FLNA: variants seen among roughly 807,000 people sequenced by gnomAD.
The protein encoded by FLNA is filamin A.
A neutral mutation model predicts 157.6 loss-of-function variants in FLNA; 7 were observed. That is an observed-to-expected ratio of 0.04 (90% CI 0.03 to 0.08). The LOEUF (loss-of-function observed/expected upper bound fraction) is 0.08, where lower values mean the gene tolerates loss of function less well. Among genes scored for constraint, FLNA ranks in the 10% least tolerant of loss-of-function variants. The pLI, the probability that FLNA is intolerant of heterozygous loss-of-function variation, is 1.00. For synonymous variants in FLNA, 1,103 were observed against 1,060.8 expected, an observed-to-expected ratio of 1.04 and a Z score of -0.77; for missense variants, 1,750 against 2,398.4, an observed-to-expected ratio of 0.73 and a Z score of 5.65.
At position 154,361,046 on chromosome X, in the gene FLNA, C is replaced by CAAAAAAAAAAAAAAAAAAAAA. The variant is rs59672916; in HGVS notation, c.3207+241_3207+261dup. On this transcript the variant is annotated intron_variant, in intron 21 of 47. Coordinates refer to ENST00000369850, the MANE Select transcript of FLNA (RefSeq NM_001110556.2). ...TGGGCGACAGAGTGAGACTCTTTCT[C>CAAAAAAAAAAAAAAAAAAAAA]AAAAAAAAAAAAAAAAAAAAAAAAA... is the stretch of plus-strand genomic sequence containing the variant. 7.5e-4 allele frequency among the ~76,000 whole-genome samples: 15 copies of CAAAAAAAAAAAAAAAAAAAAA among 19,985 alleles called. 3 individuals are homozygous for CAAAAAAAAAAAAAAAAAAAAA. The highest frequency in any genetic ancestry group is 9.0e-4 in the Non-Finnish European group (11 of 12,252). The allele number at this position is 19,985 out of a possible 115,157, so 17.4% of individuals were successfully genotyped here.
intron 30 of FLNA, among the ~76,000 whole-genome samples, chrX:154,356,241 G>C (rs1277469966): frequency 2.7e-5 from 3 of 111,975 alleles, no homozygotes; most frequent in Non-Finnish European, 5.7e-5. Flanking sequence ...TCCTAATTTG[G>C]CTCTCACTGA....
rs201773416 is a variant in FLNA, at chrX:154,352,699, C to T, written c.6380-24G>A. 2.3e-5 allele frequency: 28 copies of T among 1,210,953 alleles called. No individual in the cohort carries two copies. The East Asian group carries it at 7.4e-4, about 32-fold the overall frequency. On this transcript the variant is annotated intron_variant, in intron 39 of 47. Transcript: ENST00000369850. ...GCCTGCAGGAAGAAAGCACGGCCCA[C>T]GCCCCTCCAGTCACATACTGCCTGT...
Position 154,359,641 on chromosome X carries a change from G to A in FLNA, c.3985C>T (p.His1329Tyr), listed in dbSNP as rs782746289. ...VEYTPYEEGL[H>Y]SVDVTYDGSP... ...CCGTCATAGGTCACGTCCACGGAGTGCAGTCCTGGAGGAGTGCAGGCCAGG... is the reference window on the plus strand; with the variant it reads ...CCGTCATAGGTCACGTCCACGGAGTACAGTCCTGGAGGAGTGCAGGCCAGG... The change falls in exon 24 of 48, where the codon CAC becomes TAC. Residue 1329 changes from histidine to tyrosine, a missense_variant. This residue lies in a region of FLNA where 970 missense variants were observed against 1,302.6 expected (regional missense o/e 0.74). Transcript: ENST00000369850. 24 of 1,209,659 alleles carry A rather than the reference G, an allele frequency of 2.0e-5. No individual in the cohort carries two copies. Among genetic ancestry groups the A allele is most frequent in the African/African-American group, 7.0e-5 (4 of 57,365 alleles).
chrX:154,369,364 A>G (rs1344632369), intron 2 of FLNA, among the ~76,000 whole-genome samples: 1 of 112,293 alleles, frequency 8.9e-6, no homozygotes, highest in African/African-American at 3.2e-5. Context: ...AGACCCCTCA[A>G]CGACCCCCAC....
At chrX:154,360,657 C>A in intron 21 of FLNA, 70 bp from the exon 22 acceptor site, 1 of 988,228 alleles carries the variant, frequency 1.0e-6, no homozygotes. Flanking sequence ...CTTGACTTTC[C>A]ACCTGCCTCC....
Position 154,354,982 on chromosome X carries a change from G to A in FLNA, c.5060C>T (p.Thr1687Ile). Reference protein sequence around the residue: ...KAAGKGKVTCTVCTPDGSEVD... With the variant: ...KAAGKGKVTCIVCTPDGSEVD... ...CTCTGAGCCATCAGGCGTGCACACG[G>A]TGCACGTCACTTTGCCTTTGCCTGC... The change falls in exon 31 of 48, where the codon ACC (threonine) becomes ATC (isoleucine). Residue 1687 changes from threonine to isoleucine, a missense_variant. Physicochemically the swap from Thr to Ile is moderately conservative, Grantham distance 89 (BLOSUM62 -1). This residue lies in a region of FLNA where 970 missense variants were observed against 1,302.6 expected (regional missense o/e 0.74). Transcript: ENST00000369850. 8.2e-7 allele frequency: 1 copy of A among 1,212,178 alleles called. No individual in the cohort carries two copies. The highest frequency in any genetic ancestry group is 1.1e-6 in the Non-Finnish European group (1 of 895,569).
In FLNA at chrX:154,362,072, G is replaced by C; in HGVS notation, c.2733C>G (p.Phe911Leu). 8.3e-7 allele frequency: 1 copy of C among 1,211,047 alleles called. No individual in the cohort carries two copies. The highest frequency in any genetic ancestry group is 3.0e-5 in the East Asian group (1 of 33,848). ...CTGCATCCCCCTTGGTGAGTCCTGA[G>C]AACTGGACGTCCAGCTTGCCTTTGC... ...AAGKGKLDVQ[F>L]SGLTKGDAVR... Residue 911 changes from phenylalanine (F) to leucine (L), a missense_variant, in exon 19 of 48, where the codon TTC (phenylalanine) becomes TTG (leucine). Around this residue, in one of 5 missense-constraint regions of FLNA, gnomAD observed 648 missense variants for 805.8 expected, o/e 0.80. Transcript: ENST00000369850.
rs1256248451 is a variant in FLNA at position 154,358,472 on chromosome X, A to G, written c.4571T>C (p.Leu1524Pro). ...CCGGGGTACCTCTTCATCTCCATAC[A>G]GTACTGAGATGCTGTAGGGCCCTTC... ...SREGPYSISV[L>P]YGDEEVPRSP... The change falls in exon 27 of 48, where the codon CTG becomes CCG. Residue 1524 changes from leucine (L) to proline (P), a missense_variant. Physicochemically the swap from Leu to Pro is moderately conservative, Grantham distance 98 (BLOSUM62 -3). Transcript: ENST00000369850. 4 of 1,208,530 alleles carry G rather than the reference A, an allele frequency of 3.3e-6. No homozygotes were observed. The highest frequency in any genetic ancestry group is 3.5e-5 in the African/African-American group (2 of 56,911).
At chrX:154,355,168 GCCA>G in intron 30 of FLNA, 96 bp from the exon 31 acceptor site, 1 of 968,888 alleles carries the variant, frequency 1.0e-6, no homozygotes, top group African/African-American at 1.9e-5. Context: ...GCCTCTCATT[GCCA>G]CCACCAAGCA....
In FLNA at chrX:154,367,693, G is replaced by A; in HGVS notation, c.668C>T (p.Thr223Ile). ...CTGCTGCATGGCCTCTCGCGCATTG[G>A]TAACGGGCTTGCTGGCGTCCCAAGA... ...WDSWDASKPV[T>I]NAREAMQQAD... The change falls in exon 4 of 48, where the codon ACC becomes ATC. Residue 223 changes from threonine to isoleucine, a missense_variant. Thr to Ile is a moderately conservative substitution (Grantham distance 89). Transcript: ENST00000369850. 1 of 1,211,446 alleles carries A rather than the reference G, an allele frequency of 8.3e-7. No homozygotes were observed. The highest frequency in any genetic ancestry group is 1.1e-6 in the Non-Finnish European group (1 of 895,543).
chrX:154,350,344 T>G, intron 44 of FLNA, 137 bp from the exon 45 acceptor site: 1 of 553,724 alleles, frequency 1.8e-6, no homozygotes, highest in African/African-American at 2.2e-5. Context: ...GCTGGGCACC[T>G]GCACCCCGCA....
At position 154,354,647 on chromosome X, in the gene FLNA, T is replaced by G; in HGVS notation, c.5282A>C (p.Tyr1761Ser). The change falls in exon 32 of 48, where the codon TAC becomes TCC. Residue 1761 changes from tyrosine (Y) to serine (S), a missense_variant. Coordinates refer to ENST00000369850, the MANE Select transcript of FLNA (RefSeq NM_001110556.2). Reference protein sequence around the residue: ...PLRSQQLAPQYTYAQGGQQTW... With the variant: ...PLRSQQLAPQSTYAQGGQQTW... ...CTGCTGGCCGCCCTGGGCGTAGGTG[T>G]ACTGTGGGGCCAGCTGCTGAGACCG... 8.3e-7 allele frequency: 1 copy of G among 1,206,187 alleles called. No homozygotes were observed. The highest frequency in any genetic ancestry group is 1.1e-6 in the Non-Finnish European group (1 of 892,945).
intron 14 of FLNA, 44 bp from the exon 15 acceptor site, chrX:154,364,209 G>C (rs782472734): frequency 1.9e-5 from 23 of 1,208,214 alleles, no homozygotes; most frequent in Non-Finnish European, 2.5e-5. Flanking sequence ...TCAGTGCCCA[G>C]GCCTGGGTGC....
At position 154,366,079 on chromosome X, in the gene FLNA, G is replaced by A. The variant is rs2067756797; in HGVS notation, c.1374C>T (p.Val458=). 8.3e-7 allele frequency: 1 copy of A among 1,208,950 alleles called. No individual in the cohort carries two copies. The highest frequency in any genetic ancestry group is 1.7e-5 in the African/African-American group (1 of 57,536). ...PTMEGVHTVH[V]TFAGVPIPRS... is the part of the protein sequence containing the mutation. ...GAGGGATGGGCACGCCGGCAAACGT[G>A]ACGTGCACGGTGTGGACGCCCTCCA... Residue 458 remains valine, a synonymous_variant, in exon 9 of 48, where the codon GTC becomes GTT. Transcript: ENST00000369850.
chrX:154,364,401 G>A (rs2067739433), intron 13 of FLNA, 29 bp from the exon 14 acceptor site: 1 of 1,195,353 alleles, frequency 8.4e-7, no homozygotes, highest in Non-Finnish European at 1.1e-6. Context: ...GCTGTCAGGG[G>A]GCCAGGTCCA....
In FLNA at chrX:154,348,747, CGGGCGGCCA is replaced by C. The variant is rs1569551381; in HGVS notation, c.*93_*101del. ...GGGCAGGGGCGGCTGCAGTGACAGG[CGGGCGGCCA>C]GGGCGGCCTGGGCCGGGGTTGAGGG... On this transcript the variant is annotated 3_prime_UTR_variant, in exon 48 of 48. Transcript: ENST00000369850. 38 of 759,886 alleles carry C rather than the reference CGGGCGGCCA, an allele frequency of 5.0e-5. No homozygotes were observed. Among genetic ancestry groups the C allele is most frequent in the South Asian group, 5.3e-5 (2 of 37,612 alleles). The allele number at this position is 759,886 out of a possible 1,213,427, so 62.6% of individuals were successfully genotyped here. A position where few individuals can be genotyped will look rare whatever the true frequency, so the allele number is the denominator to read the frequency against.
At position 154,364,974 on chromosome X, in the gene FLNA, C is replaced by T; in HGVS notation, c.1692-17G>A. The T allele has an allele frequency of 8.3e-7, 1 of 1,211,091 alleles. No homozygotes were observed. Among genetic ancestry groups the T allele is most frequent in the Non-Finnish European group, 1.1e-6 (1 of 895,427 alleles). On this transcript the variant is annotated splice_polypyrimidine_tract_variant and intron_variant, in intron 11 of 47. Transcript: ENST00000369850. The stretch of plus-strand genomic sequence containing the variant: ...TCGAAGGGACTGCAAATGCGAGAGC[C>T]ACACAGGGAACACCGAGGATCACCA...
At chrX:154,355,633 C>T (rs1399886495) in intron 30 of FLNA, among the ~76,000 whole-genome samples, 2 of 113,061 alleles carry the variant, frequency 1.8e-5, no homozygotes, top group Non-Finnish European at 3.8e-5. Flanking sequence ...GGAGTGGGAG[C>T]GGGGAAGCGG....
chrX:154,353,194 G>A lies in FLNA; in HGVS notation c.6033C>T (p.Phe2011=), dbSNP rs374508752. 3.7e-5 allele frequency: 45 copies of A among 1,210,109 alleles called. No individual in the cohort carries two copies. The South Asian group carries it at 3.9e-4, about 10-fold the overall frequency. ...GGTGCTCCCCCGTCTCCTTGGGCAC[G>A]AATGAAATCCCTGGACACAGGGCAT... The part of the protein sequence containing the change: ...RLRNGHVGIS[F]VPKETGEHLV... The change falls in exon 38 of 48, where the codon TTC becomes TTT. Residue 2011 remains phenylalanine, a synonymous_variant. Coordinates refer to ENST00000369850, the MANE Select transcript of FLNA (RefSeq NM_001110556.2).
Sources: gnomAD v4.1 joint callset for allele counts (sites outside exome capture counted in the v4.1 genomes callset) on GRCh38, gnomAD v4.1.1 for gene constraint, gnomAD v4.1.1 regional missense constraint, MANE v1.5 for transcripts, NCBI Gene and HGNC (gene_info 2026-07-23, HGNC 2026-07-21) for gene names.